CPQ: variants seen among roughly 807,000 people sequenced by gnomAD.
CPQ encodes the protein carboxypeptidase Q, also known as Ser-Met dipeptidase.
A neutral mutation model predicts 45.7 loss-of-function variants in CPQ; 37 were observed. The ratio of observed to expected loss-of-function variants is 0.81; its 90% CI spans 0.62 to 1.07. The LOEUF (loss-of-function observed/expected upper bound fraction) is 1.07. Ranked by LOEUF, CPQ falls within the 50% of genes least tolerant of loss-of-function variation. The probability of loss-of-function intolerance (pLI) is 0.00; values close to 1 mark genes in which losing one functional copy is unlikely to be tolerated. For missense variants in CPQ, 537 were observed against 572.9 expected, an observed-to-expected ratio of 0.94 and a Z score of 0.64; for synonymous variants, 186 against 205.8, an observed-to-expected ratio of 0.90 and a Z score of 0.82.
chr8:96,654,484 C>A (rs1815615611), intron 1 of CPQ, among the ~76,000 whole-genome samples: 1 of 152,182 alleles, frequency 6.6e-6, no homozygotes, highest in Non-Finnish European at 1.5e-5. Context: ...TAACATAGCA[C>A]TGACATCCTT....
At chr8:96,688,035 A>G (rs1809256106) in intron 1 of CPQ, among the ~76,000 whole-genome samples, 1 of 152,096 alleles carries the variant, frequency 6.6e-6, no homozygotes, top group African/African-American at 2.4e-5. Context: ...CCTGAGAGAA[A>G]AGAAAGTTTC....
intron 7 of CPQ, among the ~76,000 whole-genome samples, chr8:97,088,352 A>C (rs1200901135): frequency 1.3e-5 from 2 of 152,236 alleles, no homozygotes; most frequent in Non-Finnish European, 2.9e-5. Context: ...TCTGTGTTCA[A>C]GATGACCATT....
rs533103795 is a variant in CPQ, at chr8:96,729,491, G to A, written c.-34-55373G>A. On this transcript the variant is annotated intron_variant, in intron 1 of 7. Coordinates refer to ENST00000220763, the MANE Select transcript of CPQ (RefSeq NM_016134.4). ...TTTCTAGCCATACCCATTTTTCAAG[G>A]ATGATCTATTTAAAAATTATTTTTC... Among the ~76,000 whole-genome samples the A allele has an allele frequency of 3.3e-5, 5 of 152,106 alleles. No individual in the cohort carries two copies. The South Asian group carries it at 8.3e-4, about 25-fold the overall frequency.
intron 6 of CPQ, among the ~76,000 whole-genome samples, chr8:97,053,349 A>G (rs1810394327): frequency 6.6e-6 from 1 of 152,214 alleles, no homozygotes; most frequent in Admixed American, 6.5e-5. Flanking sequence ...GGAGAAAAAT[A>G]AAACAGGGAG....
intron 7 of CPQ, among the ~76,000 whole-genome samples, chr8:97,082,687 C>T (rs2513354): frequency 1.3e-5 from 2 of 152,256 alleles, no homozygotes; most frequent in East Asian, 3.9e-4. Flanking sequence ...GTCCAGTTTA[C>T]TTGAGACGCT....
At chr8:96,940,002 T>C (rs1477098967) in intron 4 of CPQ, among the ~76,000 whole-genome samples, 1 of 152,152 alleles carries the variant, frequency 6.6e-6, no homozygotes, top group East Asian at 1.9e-4. Context: ...GCTTAACTTT[T>C]TACCATCAAT....
chr8:96,950,835 A>AT (rs1473995678), intron 4 of CPQ, among the ~76,000 whole-genome samples: 1 of 152,148 alleles, frequency 6.6e-6, no homozygotes, highest in Non-Finnish European at 1.5e-5. Context: ...GTTAACATCC[A>AT]TTTTTAGATA....
In CPQ at chr8:97,123,204, TAAAAAATAAA is replaced by T. The variant is rs1380274350; in HGVS notation, c.1256-19814_1256-19805del. On this transcript the variant is annotated intron_variant, in intron 7 of 7. Transcript: ENST00000220763. ...TAAAATAAAATAAAATAAAATAAAA[TAAAAAATAAA>T]ATAAAATAAAATAAAATAAAATAAA... is the stretch of plus-strand genomic sequence containing the variant. Among the ~76,000 whole-genome samples the T allele has an allele frequency of 1.0e-3, 44 of 42,690 alleles. 1 individual carries two copies. Among genetic ancestry groups the T allele is most frequent in the African/African-American group, 3.1e-3 (42 of 13,720 alleles). 28.0% of individuals were successfully genotyped at this position (42,690 alleles called of 152,430 possible).
In CPQ at chr8:97,016,275, G is replaced by A. The variant is rs138469152; in HGVS notation, c.962-13128G>A. Among the ~76,000 whole-genome samples the A allele has an allele frequency of 5.8e-3, 887 of 152,208 alleles. 12 individuals are homozygous for A. The highest frequency in any genetic ancestry group is 0.021 in the African/African-American group (851 of 41,512). ...TGCTACAAAAGTAGGTAATGTAATGGCAACTAAAGCAAATGTCAAAGCTGA... is the reference window on the plus strand; with the variant it reads ...TGCTACAAAAGTAGGTAATGTAATGACAACTAAAGCAAATGTCAAAGCTGA... On this transcript the variant is annotated intron_variant, in intron 5 of 7. Coordinates refer to ENST00000220763, the MANE Select transcript of CPQ (RefSeq NM_016134.4).
At chr8:97,122,813 AG>A (rs1811730323) in intron 7 of CPQ, among the ~76,000 whole-genome samples, 1 of 149,816 alleles carries the variant, frequency 6.7e-6, no homozygotes, top group Admixed American at 6.8e-5. Flanking sequence ...TGAACCCAGG[AG>A]GCAGAGGTTT....
At chr8:96,869,333 A>G (rs1386182103) in intron 3 of CPQ, among the ~76,000 whole-genome samples, 2 of 152,058 alleles carry the variant, frequency 1.3e-5, no homozygotes, top group Non-Finnish European at 2.9e-5. Flanking sequence ...TGCTGCGATA[A>G]CTGAGCAGCC....
At chr8:97,054,848 C>G (rs1420945760) in intron 6 of CPQ, among the ~76,000 whole-genome samples, 1 of 152,104 alleles carries the variant, frequency 6.6e-6, no homozygotes, top group Non-Finnish European at 1.5e-5. Context: ...TACGGGTGCA[C>G]TAAAATCCCA....
intron 1 of CPQ, among the ~76,000 whole-genome samples, chr8:96,776,198 G>A (rs1810603187): frequency 6.6e-6 from 1 of 152,124 alleles, no homozygotes; most frequent in Non-Finnish European, 1.5e-5. Context: ...GATACTTAAA[G>A]GGCTAACTAC....
chr8:97,124,294 A>G (rs1020271900), intron 7 of CPQ, among the ~76,000 whole-genome samples: 7 of 152,134 alleles, frequency 4.6e-5, no homozygotes, highest in African/African-American at 1.7e-4. Context: ...ACATGAAGAA[A>G]AAACTGACAG....
At chr8:96,876,843 A>T (rs1486309551) in intron 3 of CPQ, among the ~76,000 whole-genome samples, 1 of 151,800 alleles carries the variant, frequency 6.6e-6, no homozygotes, top group Non-Finnish European at 1.5e-5. Context: ...TTTGTTAAGG[A>T]TGTTTTGCAT....
At chr8:96,720,506 A>G (rs1809748151) in intron 1 of CPQ, among the ~76,000 whole-genome samples, 1 of 152,202 alleles carries the variant, frequency 6.6e-6, no homozygotes, top group Admixed American at 6.5e-5. Flanking sequence ...GTTCTGTGGA[A>G]AGCTCTAGGT....
intron 1 of CPQ, among the ~76,000 whole-genome samples, chr8:96,759,998 T>C (rs1399071589): frequency 7.9e-5 from 12 of 152,212 alleles, no homozygotes; most frequent in Admixed American, 7.9e-4. Flanking sequence ...AGTCCTAGTA[T>C]ACCTAGGACT....
intron 7 of CPQ, among the ~76,000 whole-genome samples, chr8:97,123,170 A>T (rs1371168652): frequency 1.9e-5 from 2 of 107,334 alleles, no homozygotes; most frequent in African/African-American, 8.5e-5. Context: ...AATAAAATAA[A>T]ATAAAATATA....
rs1563587353 is a variant in CPQ, at chr8:97,123,184, TAAAATAAAATAAAATAAAATAAAAAATA to T, written c.1256-19832_1256-19805del. On this transcript the variant is annotated intron_variant, in intron 7 of 7. Coordinates refer to ENST00000220763, the MANE Select transcript of CPQ (RefSeq NM_016134.4). ...AAATAAAATAAAATAAAATATAAAA[TAAAATAAAATAAAATAAAATAAAAAATA>T]AAATAAAATAAAATAAAATAAAATA... 8.5e-4 allele frequency among the ~76,000 whole-genome samples: 44 copies of T among 51,584 alleles called. No homozygotes were observed. The East Asian group carries it at 9.0e-3, about 11-fold the overall frequency. 33.8% of individuals were successfully genotyped at this position (51,584 alleles called of 152,430 possible). A position where few individuals can be genotyped will look rare whatever the true frequency, so the allele number is the denominator to read the frequency against.
Sources: gnomAD v4.1 joint callset for allele counts (sites outside exome capture counted in the v4.1 genomes callset) on GRCh38, gnomAD v4.1.1 for gene constraint, MANE v1.5 for transcripts, NCBI Gene and HGNC (gene_info 2026-07-23, HGNC 2026-07-21) for gene names.